The following CADM3 variants were observed in gnomAD, a reference collection of about 807,000 sequenced individuals.
CADM3 encodes the protein cell adhesion molecule 3.
Under a neutral mutation model 44.9 loss-of-function variants are expected in CADM3, and 11 were observed. The ratio of observed to expected loss-of-function variants is 0.25; its 90% CI spans 0.15 to 0.41. The LOEUF (loss-of-function observed/expected upper bound fraction) is 0.41, where lower values mean the gene tolerates loss of function less well. Among genes scored for constraint, CADM3 ranks in the 10% least tolerant of loss-of-function variants. The pLI, the probability that CADM3 is intolerant of heterozygous loss-of-function variation, is 1.00. For synonymous variants in CADM3, 207 were observed against 205.2 expected, an observed-to-expected ratio of 1.01 and a Z score of -0.08; for missense variants, 426 against 512.0, an observed-to-expected ratio of 0.83 and a Z score of 1.62.
At chr1:159,180,248 T>C (rs549436467) in intron 1 of CADM3, among the ~76,000 whole-genome samples, 5 of 152,298 alleles carry the variant, frequency 3.3e-5, no homozygotes, top group Non-Finnish European at 7.3e-5. Context: ...ATCTGGGTCA[T>C]AATAAAATCT....
chr1:159,191,860 T>G, intron 1 of CADM3, 76 bp from the exon 2 acceptor site: 289 of 1,565,826 alleles, frequency 1.8e-4, no homozygotes, highest in Non-Finnish European at 2.3e-4. Context: ...CTGAACTAGA[T>G]GAGGTGTACT....
At position 159,202,958 on chromosome 1, in the gene CADM3, A is replaced by G. The variant is rs1650288651; in HGVS notation, c.*2036A>G. 1 of 129,816 alleles carries G rather than the reference A, an allele frequency of 7.7e-6. No homozygotes were observed. 8.0% of individuals were successfully genotyped at this position (129,816 alleles called of 1,614,324 possible). On this transcript the variant is annotated 3_prime_UTR_variant, in exon 9 of 9. Coordinates refer to ENST00000368125, the MANE Select transcript of CADM3 (RefSeq NM_001127173.3). ...CAAGCTGAACCACTCTGTCCATATT[A>G]CACAGAAGCCATATTTGTACGGGGG... is the stretch of plus-strand genomic sequence containing the variant.
intron 8 of CADM3, 145 bp downstream of exon 8, chr1:159,200,021 C>T (rs923492408): frequency 1.9e-6 from 2 of 1,069,978 alleles, no homozygotes; most frequent in Non-Finnish European, 2.7e-6. Context: ...AAAATGGAGC[C>T]AACCCTATCA....
At chr1:159,191,135 C>T (rs1357145478) in intron 1 of CADM3, among the ~76,000 whole-genome samples, 1 of 152,200 alleles carries the variant, frequency 6.6e-6, no homozygotes, top group Non-Finnish European at 1.5e-5. Flanking sequence ...AAGATATCTT[C>T]CTAGTCCTTT....
rs34676060 is a variant in CADM3 at position 159,191,101 on chromosome 1, T to C, written c.89-835T>C. On this transcript the variant is annotated intron_variant, in intron 1 of 8. Coordinates refer to ENST00000368125, the MANE Select transcript of CADM3 (RefSeq NM_001127173.3). The stretch of plus-strand genomic sequence containing the variant: ...CGGTAGGCGTGACCAGAAGGCACAG[T>C]TGAGATTTAAATGCCTCATCCATAA... Among the ~76,000 whole-genome samples, 1,412 of 152,322 alleles carry C rather than the reference T, an allele frequency of 9.3e-3. 10 individuals carry two copies. Among genetic ancestry groups the C allele is most frequent in the Non-Finnish European group, 0.015 (999 of 68,030 alleles).
At chr1:159,190,075 CAG>C (rs1246295554) in intron 1 of CADM3, among the ~76,000 whole-genome samples, 1 of 152,188 alleles carries the variant, frequency 6.6e-6, no homozygotes, top group African/African-American at 2.4e-5. Flanking sequence ...TACTCCAGTA[CAG>C]AGACCTCTGT....
chr1:159,196,200 G>A (rs1233522030), intron 5 of CADM3, 164 bp from the exon 6 acceptor site: 7 of 586,448 alleles, frequency 1.2e-5, no homozygotes, highest in Non-Finnish European at 1.8e-5. Context: ...ATATTCAATA[G>A]CAATAATGGT....
rs147017047 is a variant in CADM3, at chr1:159,200,987, C to G, written c.*65C>G. 16,113 of 1,269,626 alleles carry G rather than the reference C, an allele frequency of 0.013. 148 individuals are homozygous for G. The highest frequency in any genetic ancestry group is 0.016 in the Non-Finnish European group (14,773 of 913,176). 78.6% of individuals were successfully genotyped at this position (1,269,626 alleles called of 1,614,324 possible). ...GGGGACTGCTGGGGCCGTCACCAAC[C>G]CGGACTTGTACAGAGCAACCGCAGG... On this transcript the variant is annotated 3_prime_UTR_variant, in exon 9 of 9. Transcript: ENST00000368125.
chr1:159,193,282 A>C (rs1649745505), intron 3 of CADM3, 141 bp from the exon 4 acceptor site: 1 of 936,952 alleles, frequency 1.1e-6, no homozygotes, highest in Non-Finnish European at 1.6e-6. Context: ...ATCAAAAAGA[A>C]AGATGATTTA....
chr1:159,180,777 C>A (rs1369514536), intron 1 of CADM3, among the ~76,000 whole-genome samples: 1 of 152,136 alleles, frequency 6.6e-6, no homozygotes. Flanking sequence ...AAAAACAAGT[C>A]AGGAAAATCA....
rs1649933080 is a variant in CADM3 at position 159,197,052 on chromosome 1, A to G, written c.944A>G (p.Asn315Ser). The G allele has an allele frequency of 1.9e-6, 3 of 1,613,788 alleles. No individual in the cohort carries two copies. Among genetic ancestry groups the G allele is most frequent in the Admixed American group, 1.7e-5 (1 of 59,988 alleles). Residue 315 changes from asparagine (N) to serine (S), a missense_variant, in exon 7 of 9, where the codon AAT becomes AGT. Asn to Ser is a conservative substitution (Grantham distance 46, BLOSUM62 1). This residue lies in a region of CADM3 where 362 missense variants were observed against 474.6 expected (regional missense o/e 0.76). Coordinates refer to ENST00000368125, the MANE Select transcript of CADM3 (RefSeq NM_001127173.3). ...MGSYKAYYTLNVNDPSPVPSS... is the reference protein window; with the variant it reads ...MGSYKAYYTLSVNDPSPVPSS... ...AGCTACAAGGCCTACTACACCCTCA[A>G]TGTTAATGGTAAGCCCTCCTCAGTT...
chr1:159,185,626 G>T (rs1649389563), intron 1 of CADM3, among the ~76,000 whole-genome samples: 1 of 152,146 alleles, frequency 6.6e-6, no homozygotes, highest in Non-Finnish European at 1.5e-5. Flanking sequence ...AACTAATTTG[G>T]ATCCTGACAT....
At chr1:159,196,088 C>T (rs555551382) in intron 5 of CADM3, 1 of 387,646 alleles carries the variant, frequency 2.6e-6, no homozygotes, top group Non-Finnish European at 4.7e-6. Context: ...AGGTAAACCA[C>T]TCATTTCCCT....
intron 7 of CADM3, 108 bp downstream of exon 7, chr1:159,197,168 A>G: frequency 1.6e-6 from 2 of 1,249,890 alleles, no homozygotes; most frequent in South Asian, 2.9e-5. Context: ...CGGGGAGTGG[A>G]GTAAAGGAAA....
At chr1:159,191,781 C>T (rs1262992879) in intron 1 of CADM3, among the ~76,000 whole-genome samples, 155 bp from the exon 2 acceptor site, 4 of 152,220 alleles carry the variant, frequency 2.6e-5, no homozygotes, top group Non-Finnish European at 5.9e-5. Flanking sequence ...CCACCACCAC[C>T]TCTTTTCCTT....
At chr1:159,185,181 C>T (rs999436718) in intron 1 of CADM3, among the ~76,000 whole-genome samples, 1 of 152,052 alleles carries the variant, frequency 6.6e-6, no homozygotes, top group Non-Finnish European at 1.5e-5. Flanking sequence ...GAAATAGTCC[C>T]AAAGGTATAG....
chr1:159,183,546 G>A (rs966948665), intron 1 of CADM3, among the ~76,000 whole-genome samples: 6 of 152,196 alleles, frequency 3.9e-5, no homozygotes, highest in African/African-American at 1.2e-4. Context: ...CAGCTGAAGC[G>A]TGACTGAGCT....
At chr1:159,180,273 GA>G (rs1028552651) in intron 1 of CADM3, among the ~76,000 whole-genome samples, 2 of 152,078 alleles carry the variant, frequency 1.3e-5, no homozygotes, top group African/African-American at 4.8e-5. Context: ...GTTCATGTCA[GA>G]AAAAAACCCC....
intron 1 of CADM3, among the ~76,000 whole-genome samples, chr1:159,186,012 C>A (rs769733036): frequency 6.6e-6 from 1 of 152,172 alleles, no homozygotes; most frequent in Admixed American, 6.5e-5. Context: ...TTATTTCAAT[C>A]TGGGACAATC....
Sources: allele counts gnomAD v4.1 joint callset (sites outside exome capture counted in the v4.1 genomes callset), GRCh38; gene constraint gnomAD v4.1.1; regional missense constraint gnomAD v4.1.1; transcripts MANE v1.5; gene names NCBI Gene and HGNC (gene_info 2026-07-23, HGNC 2026-07-21).